JUP: variants seen among roughly 807,000 people sequenced by gnomAD.
JUP encodes catenin (cadherin-associated protein), gamma 80kDa.
In JUP, 28 loss-of-function variants were observed where a neutral mutation model predicts 71.1. The observed-to-expected ratio is 0.39, with a 90% confidence interval of 0.29 to 0.54. JUP has a LOEUF of 0.54. Ranked by LOEUF, JUP falls within the 20% of genes least tolerant of loss-of-function variation. The probability of loss-of-function intolerance (pLI) is 0.62; values close to 1 mark genes in which losing one functional copy is unlikely to be tolerated. For synonymous variants in JUP, 401 were observed against 438.9 expected (o/e 0.91, Z 1.08); for missense variants, 869 against 1,030.1 (o/e 0.84, Z 2.14).
At chr17:41,777,385 T>TG (rs781962620) in intron 1 of JUP, among the ~76,000 whole-genome samples, 8 of 152,142 alleles carry the variant, frequency 5.3e-5, no homozygotes, top group Middle Eastern at 3.2e-3. Context: ...TGCTGAGGTC[T>TG]GGCCAGCAGT....
chr17:41,758,850 C>G lies in JUP; in HGVS notation c.1518G>C (p.Arg506Ser), dbSNP rs1914326413. The G allele has an allele frequency of 1.9e-6, 3 of 1,608,048 alleles. No homozygotes were observed. The East Asian group carries it at 6.7e-5, about 36-fold the overall frequency. ...PLVKATIGLI[R>S]NLALCPANHA... Reference sequence around the variant, plus strand: ...GGTTGGCTGGGCACAGGGCCAGATTCCTGATCAAGCCGATGGTTGCCTGGC... The same window carrying G: ...GGTTGGCTGGGCACAGGGCCAGATTGCTGATCAAGCCGATGGTTGCCTGGC... The change falls in exon 9 of 14, where the codon AGG becomes AGC. Residue 506 changes from arginine (R) to serine (S), a missense_variant. Physicochemically the swap from Arg to Ser is moderately radical, Grantham distance 110. Coordinates refer to ENST00000393931, the MANE Select transcript of JUP (RefSeq NM_002230.4).
chr17:41,765,352 T>C (rs1228456209), intron 5 of JUP, among the ~76,000 whole-genome samples: 3 of 150,460 alleles, frequency 2.0e-5, no homozygotes, highest in African/African-American at 7.3e-5. Context: ...CCCAATAAGT[T>C]TTTTTGTTTT....
intron 1 of JUP, among the ~76,000 whole-genome samples, chr17:41,777,323 T>TG (rs11454389): frequency 0.11 from 16,314 of 152,252 alleles, 1,152 homozygotes; most frequent in African/African-American, 0.2. Context: ...AGGGGGAAGC[T>TG]GGGCTCAGCA....
At chr17:41,756,126 A>G in intron 13 of JUP, 49 bp downstream of exon 13, 1 of 1,588,274 alleles carries the variant, frequency 6.3e-7, no homozygotes, top group African/African-American at 1.3e-5. Context: ...ACACACCCAC[A>G]CAGCCGCCCA....
At chr17:41,759,209 G>A (rs910994460) in intron 8 of JUP, among the ~76,000 whole-genome samples, 26 of 151,896 alleles carry the variant, frequency 1.7e-4, no homozygotes, top group Admixed American at 9.8e-4. Context: ...GAGTAGCTGC[G>A]ATTACAGGTG....
intron 1 of JUP, among the ~76,000 whole-genome samples, chr17:41,783,893 C>CAAA (rs35672991): frequency 6.2e-4 from 51 of 81,936 alleles, no homozygotes; most frequent in African/African-American, 7.5e-4. Context: ...GACTCCATCT[C>CAAA]AAAAAAAAAA....
intron 1 of JUP, among the ~76,000 whole-genome samples, chr17:41,776,496 G>A (rs1456380706): frequency 2.0e-5 from 3 of 152,142 alleles, no homozygotes; most frequent in South Asian, 2.1e-4. Context: ...TGGGAGGGTC[G>A]TTTGAGCCCA....
Position 41,755,016 on chromosome 17 carries a change from T to G in JUP, c.*728A>C, listed in dbSNP as rs889216050. Reference sequence around the variant, plus strand: ...ACTTTTCAAGAGAAGTTTTGGATTTTGGGGGTTTGGGTCTCGAACCTGGGC... The same window carrying G: ...ACTTTTCAAGAGAAGTTTTGGATTTGGGGGGTTTGGGTCTCGAACCTGGGC... On this transcript the variant is annotated 3_prime_UTR_variant, in exon 14 of 14. Transcript: ENST00000393931. 21 of 331,086 alleles carry G rather than the reference T, an allele frequency of 6.3e-5. No individual in the cohort carries two copies. The highest frequency in any genetic ancestry group is 1.1e-4 in the Non-Finnish European group (21 of 183,368). The allele number at this position is 331,086 out of a possible 1,614,324, so 20.5% of individuals were successfully genotyped here.
intron 1 of JUP, among the ~76,000 whole-genome samples, chr17:41,784,404 C>T (rs1232979258): frequency 6.6e-6 from 1 of 152,126 alleles, no homozygotes; most frequent in Admixed American, 6.5e-5. Flanking sequence ...TCCTCCTCCC[C>T]CGCATCCCCC....
Position 41,768,994 on chromosome 17 carries a change from T to C in JUP, c.682A>G (p.Ile228Val), listed in dbSNP as rs374566089. 5.5e-5 allele frequency: 89 copies of C among 1,608,282 alleles called. No individual in the cohort carries two copies. Among genetic ancestry groups the C allele is most frequent in the Non-Finnish European group, 6.9e-5 (81 of 1,177,854 alleles). Residue 228 changes from isoleucine (I) to valine (V), a missense_variant, in exon 4 of 14, where the codon ATC becomes GTC. Coordinates refer to ENST00000393931, the MANE Select transcript of JUP (RefSeq NM_002230.4). The part of the protein sequence containing the change: ...GLLAIFKSGG[I>V]PALVRMLSSP... Reference sequence around the variant, plus strand: ...CTGAGCATGCGGACCAGAGCAGGGATGCCACCCGACTTGAAGATGGCGAGC... The same window carrying C: ...CTGAGCATGCGGACCAGAGCAGGGACGCCACCCGACTTGAAGATGGCGAGC...
chr17:41,763,000 G>T lies in JUP; in HGVS notation c.1480C>A (p.Gln494Lys), dbSNP rs1555602004. 2 of 1,614,018 alleles carry T rather than the reference G, an allele frequency of 1.2e-6. No individual in the cohort carries two copies. The highest frequency in any genetic ancestry group is 3.3e-5 in the Admixed American group (2 of 60,028). ...AIVKLLNQPN[Q>K]WPLVKATIGL... ...AGCAGTACCTTGACCAGTGGCCACT[G>T]GTTGGGCTGGTTGAGCAGCTTCACG... The change falls in exon 8 of 14, where the codon CAG becomes AAG. Residue 494 changes from glutamine (Q) to lysine (K), a missense_variant. By Grantham distance (53) the Gln-to-Lys change is moderately conservative. Coordinates refer to ENST00000393931, the MANE Select transcript of JUP (RefSeq NM_002230.4).
intron 8 of JUP, among the ~76,000 whole-genome samples, chr17:41,762,314 A>C (rs1915032289): frequency 6.6e-6 from 1 of 150,414 alleles, no homozygotes; most frequent in African/African-American, 2.5e-5. Flanking sequence ...GCCTCAAGTG[A>C]TCCTTCCGCT....
chr17:41,762,154 AGAGAGAGAGAGAGAGAGAGAGAGTGT>A (rs1225181014), intron 8 of JUP, among the ~76,000 whole-genome samples: 31 of 115,586 alleles, frequency 2.7e-4, no homozygotes, highest in East Asian at 1.2e-3. Context: ...AGAGAGAGAG[AGAGAGAGAGAGAGAGAGAGAGAGTGT>A]GTGTGTGTGT....
At position 41,767,363 on chromosome 17, in the gene JUP, G is replaced by A; in HGVS notation, c.909+16C>T. Reference sequence around the variant, plus strand: ...AGGGTGGGCTTCAGGCCTCGGGAGAGTTGGGGAGGGCCCACCTTGCTCTCC... The same window carrying A: ...AGGGTGGGCTTCAGGCCTCGGGAGAATTGGGGAGGGCCCACCTTGCTCTCC... On this transcript the variant is annotated intron_variant, in intron 5 of 13. Transcript: ENST00000393931. 2 of 1,612,500 alleles carry A rather than the reference G, an allele frequency of 1.2e-6. No individual in the cohort carries two copies. The highest frequency in any genetic ancestry group is 1.7e-6 in the Non-Finnish European group (2 of 1,178,794).
chr17:41,762,470 A>G (rs1226090888), intron 8 of JUP, among the ~76,000 whole-genome samples: 2 of 152,050 alleles, frequency 1.3e-5, no homozygotes, highest in African/African-American at 2.4e-5. Context: ...AGCTCACTGT[A>G]ACCTCCAACT....
rs1366673962 is a variant in JUP at position 41,755,763 on chromosome 17, G to A, written c.2219C>T (p.Ala740Val). The change falls in exon 14 of 14, where the codon GCA becomes GTA. Residue 740 changes from alanine (A) to valine (V), a missense_variant. Coordinates refer to ENST00000393931, the MANE Select transcript of JUP (RefSeq NM_002230.4). ...SDGLRPPYPT[A>V]DHMLA ...GGCCGCCTAGGCCAGCATGTGGTCTGCAGTGGGGTACGGGGGCCTGAGGCC... is the reference window on the plus strand; with the variant it reads ...GGCCGCCTAGGCCAGCATGTGGTCTACAGTGGGGTACGGGGGCCTGAGGCC... 1.9e-6 allele frequency: 3 copies of A among 1,603,344 alleles called. No homozygotes were observed. The highest frequency in any genetic ancestry group is 2.6e-6 in the Non-Finnish European group (3 of 1,173,762).
chr17:41,783,730 G>GGC (rs2047296601), intron 1 of JUP, among the ~76,000 whole-genome samples: 2 of 151,680 alleles, frequency 1.3e-5, no homozygotes, highest in East Asian at 3.9e-4. Context: ...ACCAGCCTGC[G>GGC]CAACATGGTG....
At chr17:41,762,566 CTGT>C (rs1555601814) in intron 8 of JUP, among the ~76,000 whole-genome samples, 1 of 152,000 alleles carries the variant, frequency 6.6e-6, no homozygotes, top group African/African-American at 2.4e-5. Context: ...TGGCTAATTT[CTGT>C]TGTTGTTATT....
At position 41,772,368 on chromosome 17, in the gene JUP, AG is replaced by A. The variant is rs1916810803; in HGVS notation, c.-8-507del. ...GGGCGGGGCAGGGAAGCGGTCTGACAGGTTTCTCTGGAGCGCCCCAGGCTCC... is the reference window on the plus strand; with the variant it reads ...GGGCGGGGCAGGGAAGCGGTCTGACAGTTTCTCTGGAGCGCCCCAGGCTCC... On this transcript the variant is annotated intron_variant, in intron 1 of 13. Transcript: ENST00000393931. 9 of 246,602 alleles carry A rather than the reference AG, an allele frequency of 3.6e-5. 1 individual carries two copies. In the South Asian group the frequency reaches 4.9e-4, roughly 13 times the overall value. 15.3% of individuals were successfully genotyped at this position (246,602 alleles called of 1,614,324 possible).
Sources: allele counts gnomAD v4.1 joint callset (sites outside exome capture counted in the v4.1 genomes callset), GRCh38; gene constraint gnomAD v4.1.1; transcripts MANE v1.5; gene names NCBI Gene and HGNC (gene_info 2026-07-23, HGNC 2026-07-21).